The following CNR1 variants were observed in gnomAD, a reference collection of about 807,000 sequenced individuals.
CNR1 encodes the protein cannabinoid receptor 1, also known as cannabinoid receptor 1 (brain).
A neutral mutation model predicts 23.0 loss-of-function variants in CNR1; 10 were observed. The ratio of observed to expected loss-of-function variants is 0.43; its 90% CI spans 0.27 to 0.74. CNR1 has a LOEUF of 0.74. Among genes scored for constraint, CNR1 ranks in the 30% least tolerant of loss-of-function variants. CNR1 has a pLI of 0.19. For missense variants in CNR1, 422 were observed against 618.8 expected (o/e 0.68, Z 3.37); for synonymous variants, 271 against 255.2 (o/e 1.06, Z -0.59).
chr6:88,166,581 C>G (rs951502249), upstream of CNR1, among the ~76,000 whole-genome samples: 10 of 152,122 alleles, frequency 6.6e-5, no homozygotes, highest in Non-Finnish European at 1.3e-4. Context: ...CCTACTTCTC[C>G]TCTTCCTCCT....
Position 88,142,996 on chromosome 6 carries a change from T to G in CNR1, c.*860A>C. 1 of 152,736 alleles carries G rather than the reference T, an allele frequency of 6.5e-6. No individual in the cohort carries two copies. The highest frequency in any genetic ancestry group is 1.9e-4 in the East Asian group (1 of 5,338). 9.5% of individuals were successfully genotyped at this position (152,736 alleles called of 1,614,324 possible). Reference sequence around the variant, plus strand: ...AAGAGATCCAGTAATAGCTAAAGACTAAAGAAAGTCAGAGATGTCGCTCAA... The same window carrying G: ...AAGAGATCCAGTAATAGCTAAAGACGAAAGAAAGTCAGAGATGTCGCTCAA... On this transcript the variant is annotated 3_prime_UTR_variant, in exon 2 of 2. Transcript: ENST00000369501.
intron 1 of CNR1, among the ~76,000 whole-genome samples, chr6:88,147,482 C>G (rs1484968552): frequency 6.6e-6 from 1 of 152,152 alleles, no homozygotes; most frequent in Non-Finnish European, 1.5e-5. Flanking sequence ...GATATTTATG[C>G]TAAGAATAGG....
At chr6:88,163,093 A>G (rs1375563054) in intron 1 of CNR1, 1 of 152,172 alleles carries the variant, frequency 6.6e-6, no homozygotes, top group Non-Finnish European at 1.5e-5. Context: ...TCATGCTTTA[A>G]TTGCTTTAAT....
In CNR1 at chr6:88,144,455, T is replaced by A. The variant is rs749555801; in HGVS notation, c.820A>T (p.Thr274Ser). Residue 274 changes from threonine to serine, a missense_variant, in exon 2 of 2, where the codon ACC becomes TCC. Coordinates refer to ENST00000369501, the MANE Select transcript of CNR1 (RefSeq NM_016083.6). The surrounding 1 kb of genome is among the most constrained non-coding windows in gnomAD (Gnocchi z 7.8). Reference protein sequence around the residue: ...CSDIFPHIDETYLMFWIGVTS... With the variant: ...CSDIFPHIDESYLMFWIGVTS... ...ACCCCGATCCAGAACATCAGGTAGG[T>A]TTCATCAATGTGTGGGAAAATGTCT... 8.7e-6 allele frequency: 14 copies of A among 1,613,996 alleles called. No homozygotes were observed. The South Asian group carries it at 1.5e-4, about 18-fold the overall frequency.
In CNR1 at chr6:88,145,181, C is replaced by G; in HGVS notation, c.94G>C (p.Asp32His). ...TTGGATGCCATGTCACCTTTGATGT[C>G]TTCGTACTGAATGTCATTTGAGCCC... Reference protein sequence around the residue: ...YVGSNDIQYEDIKGDMASKLG... With the variant: ...YVGSNDIQYEHIKGDMASKLG... The change falls in exon 2 of 2, where the codon GAC becomes CAC. Residue 32 changes from aspartate to histidine, a missense_variant. By Grantham distance (81) the Asp-to-His change is moderately conservative (BLOSUM62 -1). Around this residue, in one of 4 missense-constraint regions of CNR1, gnomAD observed 120 missense variants for 117.6 expected, o/e 1.02. Coordinates refer to ENST00000369501, the MANE Select transcript of CNR1 (RefSeq NM_016083.6). The G allele has an allele frequency of 6.2e-7, 1 of 1,614,126 alleles. No homozygotes were observed. Among genetic ancestry groups the G allele is most frequent in the Non-Finnish European group, 8.5e-7 (1 of 1,180,018 alleles).
At chr6:88,164,013 T>C (rs1168978105) in intron 1 of CNR1, among the ~76,000 whole-genome samples, 1 of 152,248 alleles carries the variant, frequency 6.6e-6, no homozygotes, top group Non-Finnish European at 1.5e-5. Context: ...ACACACTAAA[T>C]AATAATCACT....
chr6:88,156,153 G>A (rs757384645), intron 1 of CNR1, among the ~76,000 whole-genome samples: 3 of 152,148 alleles, frequency 2.0e-5, no homozygotes, highest in Non-Finnish European at 4.4e-5. Context: ...TGTACCATTT[G>A]TTGTTCCAAC....
intron 1 of CNR1, among the ~76,000 whole-genome samples, chr6:88,153,673 C>T (rs1777647466): frequency 6.6e-6 from 1 of 152,150 alleles, no homozygotes; most frequent in Non-Finnish European, 1.5e-5. Flanking sequence ...TGGTTATTTT[C>T]CATTCATTTC....
intron 1 of CNR1, among the ~76,000 whole-genome samples, chr6:88,162,278 TA>T (rs907706173): frequency 2.6e-5 from 4 of 152,228 alleles, no homozygotes; most frequent in Non-Finnish European, 4.4e-5. Flanking sequence ...AAAGGCAACA[TA>T]TTTAAATTTT....
At position 88,156,287 on chromosome 6, in the gene CNR1, G is replaced by A. The variant is rs182992098; in HGVS notation, c.-64+9516C>T. ...GCTTGATTTAACACATTTTTATTGG[G>A]CATACAGTCTGTGCCTAGGATTGTG... On this transcript the variant is annotated intron_variant, in intron 1 of 1. Transcript: ENST00000369501. 1.6e-3 allele frequency among the ~76,000 whole-genome samples: 248 copies of A among 152,228 alleles called. 2 individuals are homozygous for A. The highest frequency in any genetic ancestry group is 5.2e-3 in the African/African-American group (216 of 41,546).
At chr6:88,159,093 T>A (rs1777951865) in intron 1 of CNR1, among the ~76,000 whole-genome samples, 1 of 152,202 alleles carries the variant, frequency 6.6e-6, no homozygotes, top group South Asian at 2.1e-4. Flanking sequence ...TAATTCTATT[T>A]ACAAAGGCTA....
intron 1 of CNR1, among the ~76,000 whole-genome samples, chr6:88,158,148 C>T (rs1401548255): frequency 6.6e-6 from 1 of 152,060 alleles, no homozygotes; most frequent in East Asian, 1.9e-4. Context: ...ACTGGAAGAA[C>T]GAGGTTTCAG....
intron 1 of CNR1, among the ~76,000 whole-genome samples, chr6:88,154,341 G>T (rs1019936648): frequency 6.6e-6 from 1 of 152,166 alleles, no homozygotes; most frequent in African/African-American, 2.4e-5. Context: ...CAATTTCAGG[G>T]CTCAAGAAAA....
chr6:88,166,841 G>A (rs1778389960), upstream of CNR1, among the ~76,000 whole-genome samples: 1 of 151,990 alleles, frequency 6.6e-6, no homozygotes, highest in South Asian at 2.1e-4. Context: ...CGCCGGGCCC[G>A]GGGGTGCGGT....
rs539338881 is a variant in CNR1, at chr6:88,157,850, T to A, written c.-64+7953A>T. Among the ~76,000 whole-genome samples, 5 of 152,292 alleles carry A rather than the reference T, an allele frequency of 3.3e-5. No homozygotes were observed. In the East Asian group the frequency reaches 9.6e-4, roughly 29 times the overall value. On this transcript the variant is annotated intron_variant, in intron 1 of 1. Coordinates refer to ENST00000369501, the MANE Select transcript of CNR1 (RefSeq NM_016083.6). ...TATTGTAGGGACTAAAATGGAATATTTAACAAGAGAAATGAATCTTGCTTC... is the reference window on the plus strand; with the variant it reads ...TATTGTAGGGACTAAAATGGAATATATAACAAGAGAAATGAATCTTGCTTC...
chr6:88,153,493 G>A (rs1402720487), intron 1 of CNR1, among the ~76,000 whole-genome samples: 1 of 152,126 alleles, frequency 6.6e-6, no homozygotes, highest in African/African-American at 2.4e-5. Context: ...ACAGTGCCTG[G>A]CACAGTGTCT....
At chr6:88,161,683 C>A (rs1292409453) in intron 1 of CNR1, among the ~76,000 whole-genome samples, 3 of 152,118 alleles carry the variant, frequency 2.0e-5, no homozygotes, top group African/African-American at 7.2e-5. Context: ...ACTTTGACCT[C>A]TTATTAGCAA....
intron 1 of CNR1, among the ~76,000 whole-genome samples, chr6:88,156,157 T>C (rs1223295887): frequency 6.6e-6 from 1 of 152,192 alleles, no homozygotes; most frequent in Non-Finnish European, 1.5e-5. Context: ...CCATTTGTTG[T>C]TCCAACAAAT....
chr6:88,139,971 A>G lies in CNR1; in HGVS notation c.*3885T>C, dbSNP rs1275472010. 1 of 152,414 alleles carries G rather than the reference A, an allele frequency of 6.6e-6. No individual in the cohort carries two copies. Among genetic ancestry groups the G allele is most frequent in the Non-Finnish European group, 1.5e-5 (1 of 68,038 alleles). 9.4% of individuals were successfully genotyped at this position (152,414 alleles called of 1,614,324 possible). A position where few individuals can be genotyped will look rare whatever the true frequency, so the allele number is the denominator to read the frequency against. ...TTGAATAAGTTAACAGTTTAATTAC[A>G]TTGAAATAAAATATACTGTGGGCTT... On this transcript the variant is annotated 3_prime_UTR_variant, in exon 2 of 2. Transcript: ENST00000369501.
Sources: allele counts gnomAD v4.1 joint callset (sites outside exome capture counted in the v4.1 genomes callset), GRCh38; gene constraint gnomAD v4.1.1; regional missense constraint gnomAD v4.1.1; non-coding constraint Gnocchi (gnomAD v3.1); transcripts MANE v1.5; gene names NCBI Gene and HGNC (gene_info 2026-07-23, HGNC 2026-07-21).